GPD2: variants seen among roughly 807,000 people sequenced by gnomAD.
GPD2 encodes glycerol-3-phosphate dehydrogenase, mitochondrial.
GPD2 carries 54 observed loss-of-function variants against 82.4 expected under a neutral mutation model. The ratio of observed to expected loss-of-function variants is 0.66; its 90% CI spans 0.53 to 0.82. The LOEUF (loss-of-function observed/expected upper bound fraction) is 0.82. Ranked by LOEUF, GPD2 falls within the 40% of genes least tolerant of loss-of-function variation. The pLI is 0.00. For missense variants in GPD2, 748 were observed against 896.2 expected, an observed-to-expected ratio of 0.83 and a Z score of 2.11; for synonymous variants, 288 against 306.1, an observed-to-expected ratio of 0.94 and a Z score of 0.62.
At chr2:156,466,802 T>C (rs1683165780) in intron 1 of GPD2, among the ~76,000 whole-genome samples, 1 of 152,230 alleles carries the variant, frequency 6.6e-6, no homozygotes, top group Non-Finnish European at 1.5e-5. Flanking sequence ...TTAAAATAGT[T>C]ATTGACCTTA....
intron 3 of GPD2, among the ~76,000 whole-genome samples, chr2:156,500,429 G>C (rs77390864): frequency 6.6e-6 from 1 of 152,124 alleles, no homozygotes; most frequent in African/African-American, 2.4e-5. Context: ...CATTGTTGCT[G>C]TTCATTCATG....
chr2:156,465,147 G>T (rs1186644665), intron 1 of GPD2, among the ~76,000 whole-genome samples: 1 of 152,048 alleles, frequency 6.6e-6, no homozygotes, highest in African/African-American at 2.4e-5. Flanking sequence ...CACCGTGCCC[G>T]GCCTGGACTT....
chr2:156,466,432 T>C (rs1462804146), intron 1 of GPD2, among the ~76,000 whole-genome samples: 2 of 152,228 alleles, frequency 1.3e-5, no homozygotes, highest in African/African-American at 4.8e-5. Flanking sequence ...TATAATTCTA[T>C]AGTGAACCTC....
intron 13 of GPD2, among the ~76,000 whole-genome samples, chr2:156,572,090 T>A (rs531784408): frequency 6.6e-6 from 1 of 152,128 alleles, no homozygotes; most frequent in Admixed American, 6.6e-5. Context: ...CACAATTGAT[T>A]CCCCCTTCCT....
intron 6 of GPD2, among the ~76,000 whole-genome samples, chr2:156,540,779 A>C (rs1686278519): frequency 6.6e-6 from 1 of 152,224 alleles, no homozygotes; most frequent in African/African-American, 2.4e-5. Context: ...ATACAGAAAA[A>C]AGAATCTTAT....
chr2:156,539,056 GT>G (rs1198983993), intron 6 of GPD2, among the ~76,000 whole-genome samples: 1 of 152,058 alleles, frequency 6.6e-6, no homozygotes, highest in Non-Finnish European at 1.5e-5. Context: ...TTAATTCTGG[GT>G]TGCTGAGAGA....
intron 3 of GPD2, among the ~76,000 whole-genome samples, chr2:156,507,728 A>T (rs948578169): frequency 1.3e-5 from 2 of 152,132 alleles, no homozygotes; most frequent in Non-Finnish European, 2.9e-5. Flanking sequence ...GATATTACTT[A>T]CTTGTGAGAA....
chr2:156,480,716 C>G (rs1228453878), intron 2 of GPD2, among the ~76,000 whole-genome samples: 1 of 151,720 alleles, frequency 6.6e-6, no homozygotes, highest in Non-Finnish European at 1.5e-5. Flanking sequence ...TTTTTCCCCC[C>G]TGCACCATAA....
intron 1 of GPD2, among the ~76,000 whole-genome samples, chr2:156,453,715 A>G (rs1181217573): frequency 6.6e-6 from 1 of 152,094 alleles, no homozygotes; most frequent in Non-Finnish European, 1.5e-5. Flanking sequence ...TGGCTCTACT[A>G]AAGATACAAA....
chr2:156,412,287 A>G, the GPD2 span, among the ~76,000 whole-genome samples: 7 of 152,054 alleles, frequency 4.6e-5, no homozygotes, highest in Non-Finnish European at 1.0e-4. Context: ...AATACAAAAA[A>G]AATTAGCCTG....
the GPD2 span, among the ~76,000 whole-genome samples, chr2:156,400,380 G>A: frequency 2.0e-5 from 3 of 152,242 alleles, no homozygotes; most frequent in Admixed American, 6.5e-5. Context: ...CAAAGCCAGA[G>A]GCCGGACACA....
At chr2:156,507,201 G>C (rs1034504501) in intron 3 of GPD2, among the ~76,000 whole-genome samples, 2 of 151,910 alleles carry the variant, frequency 1.3e-5, no homozygotes, top group Non-Finnish European at 2.9e-5. Flanking sequence ...AAGTAGAGAT[G>C]GGGTTTTGCC....
intron 13 of GPD2, among the ~76,000 whole-genome samples, chr2:156,574,141 A>G (rs1687734803): frequency 6.6e-6 from 1 of 152,160 alleles, no homozygotes; most frequent in African/African-American, 2.4e-5. Context: ...ACCAACTTGG[A>G]AGAACTGATT....
intron 9 of GPD2, among the ~76,000 whole-genome samples, chr2:156,567,438 C>T (rs1181091496): frequency 1.3e-5 from 2 of 152,018 alleles, no homozygotes; most frequent in African/African-American, 4.8e-5. Context: ...TTCCCATTAT[C>T]TTGAAGTTTT....
At chr2:156,563,187 A>G (rs752036606) in intron 9 of GPD2, among the ~76,000 whole-genome samples, 6 of 152,154 alleles carry the variant, frequency 3.9e-5, no homozygotes, top group Admixed American at 6.5e-5. Flanking sequence ...TTATAGTTTG[A>G]TATAAAAAGT....
intron 6 of GPD2, among the ~76,000 whole-genome samples, chr2:156,539,406 G>A (rs566330262): frequency 5.2e-4 from 79 of 152,276 alleles, no homozygotes; most frequent in Non-Finnish European, 7.2e-4. Flanking sequence ...TCTGATGGGG[G>A]CCAAGAGTTA....
At chr2:156,440,788 A>T (rs1682141742) in intron 1 of GPD2, among the ~76,000 whole-genome samples, 3 of 152,234 alleles carry the variant, frequency 2.0e-5, no homozygotes. Context: ...GTATTGTGAC[A>T]TATTGTGATA....
At chr2:156,426,509 C>A in the GPD2 span, among the ~76,000 whole-genome samples, 4 of 152,190 alleles carry the variant, frequency 2.6e-5, no homozygotes, top group East Asian at 7.7e-4. Flanking sequence ...AATTATAATT[C>A]AAAATGAGAT....
chr2:156,564,616 A>G (rs1326358605), intron 9 of GPD2, among the ~76,000 whole-genome samples: 2 of 152,092 alleles, frequency 1.3e-5, no homozygotes. Flanking sequence ...AGTGGCAAAT[A>G]GAGTTTTGAA....
Sources: allele counts gnomAD v4.1 joint callset (sites outside exome capture counted in the v4.1 genomes callset), GRCh38; gene constraint gnomAD v4.1.1; transcripts MANE v1.5; gene names NCBI Gene and HGNC (gene_info 2026-07-23, HGNC 2026-07-21).